The following NAV3 variants were observed in gnomAD, a reference collection of about 807,000 sequenced individuals.
The protein encoded by NAV3 is pore membrane and/or filament interacting like protein 1.
NAV3 carries 87 observed loss-of-function variants against 244.7 expected under a neutral mutation model. The ratio of observed to expected loss-of-function variants is 0.36; its 90% CI spans 0.30 to 0.42. The LOEUF (loss-of-function observed/expected upper bound fraction) is 0.42. NAV3 is among the 20% of genes least tolerant of loss of function. NAV3 has a pLI of 1.00. For missense variants in NAV3, 2,663 were observed against 2,893.3 expected (o/e 0.92, Z 1.83); for synonymous variants, 1,126 against 1,042.2 (o/e 1.08, Z -1.55).
intron 12 of NAV3, among the ~76,000 whole-genome samples, chr12:78,070,715 A>G (rs571311119): frequency 3.3e-5 from 3 of 91,286 alleles, no homozygotes; most frequent in East Asian, 7.8e-4. Flanking sequence ...CCCCCACCCC[A>G]CAACAGTCCC....
intron 3 of NAV3, among the ~76,000 whole-genome samples, chr12:77,945,948 C>T (rs1036548614): frequency 3.3e-5 from 5 of 151,090 alleles, no homozygotes; most frequent in East Asian, 1.9e-4. Flanking sequence ...TTAGTAGAGA[C>T]GGGTTTTGCC....
intron 24 of NAV3, among the ~76,000 whole-genome samples, chr12:78,173,502 CA>C (rs1477183165): frequency 6.6e-6 from 1 of 151,428 alleles, no homozygotes; most frequent in Non-Finnish European, 1.5e-5. Context: ...AGCTAATGGC[CA>C]ATCACAGCAA....
intron 26 of NAV3, among the ~76,000 whole-genome samples, chr12:78,176,837 T>C (rs1958248520): frequency 6.6e-6 from 1 of 152,114 alleles, no homozygotes; most frequent in Non-Finnish European, 1.5e-5. Context: ...AGAGAAGCAT[T>C]GGGAATGGAG....
At chr12:77,978,271 T>C (rs1868878762) in intron 5 of NAV3, among the ~76,000 whole-genome samples, 1 of 152,136 alleles carries the variant, frequency 6.6e-6, no homozygotes. Flanking sequence ...TGAAATATTT[T>C]TTAAGATGTG....
intron 1 of NAV3, among the ~76,000 whole-genome samples, chr12:77,897,730 G>C (rs1348852120): frequency 6.6e-6 from 1 of 150,634 alleles, no homozygotes; most frequent in Non-Finnish European, 1.5e-5. Context: ...GGGGATTGTT[G>C]GCAGATGTTT....
intron 1 of NAV3, among the ~76,000 whole-genome samples, chr12:77,926,427 C>A (rs936877485): frequency 6.6e-6 from 1 of 151,934 alleles, no homozygotes; most frequent in Non-Finnish European, 1.5e-5. Flanking sequence ...TTCTTCCTAG[C>A]AAGAGAGGCT....
At chr12:77,910,503 G>A (rs933228656) in intron 1 of NAV3, among the ~76,000 whole-genome samples, 3 of 151,950 alleles carry the variant, frequency 2.0e-5, no homozygotes, top group Non-Finnish European at 2.9e-5. Context: ...GATTTGGAGG[G>A]GACAAACACT....
intron 5 of NAV3, among the ~76,000 whole-genome samples, chr12:77,984,483 T>TTA (rs1870124368): frequency 6.6e-6 from 1 of 151,486 alleles, no homozygotes; most frequent in African/African-American, 2.4e-5. Context: ...GTATGCATTT[T>TTA]TTTTTTTTTT....
chr12:78,119,693 T>C lies in NAV3; in HGVS notation c.3497T>C (p.Val1166Ala), dbSNP rs1200062157. ...AGTACCAGCAGTATTGATTCCAACG[T>C]CAGCAGCAAGTCTGCTGGGGCCACC... ...RSSTSSIDSN[V>A]SSKSAGATTS... The change falls in exon 15 of 40, where the codon GTC (valine) becomes GCC (alanine). Residue 1166 changes from valine (V) to alanine (A), a missense_variant. Val to Ala is a moderately conservative substitution (Grantham distance 64). Transcript: ENST00000397909. 1.3e-5 allele frequency: 21 copies of C among 1,614,174 alleles called. No homozygotes were observed. The highest frequency in any genetic ancestry group is 1.7e-5 in the Non-Finnish European group (20 of 1,180,034).
chr12:77,765,210 T>TGCCA (rs1869679531), intron 2 of NAV3, among the ~76,000 whole-genome samples: 2 of 152,214 alleles, frequency 1.3e-5, no homozygotes, highest in Non-Finnish European at 2.9e-5. Context: ...GATTCTCTGA[T>TGCCA]CTCTTTGAGA....
At chr12:77,908,505 G>A (rs1310278729) in intron 1 of NAV3, among the ~76,000 whole-genome samples, 1 of 151,910 alleles carries the variant, frequency 6.6e-6, no homozygotes, top group Admixed American at 6.6e-5. Flanking sequence ...TTTAAGATAA[G>A]GTAAAGCAAT....
chr12:77,577,176 A>G (rs1045707408), intron 2 of NAV3, among the ~76,000 whole-genome samples: 1 of 152,292 alleles, frequency 6.6e-6, no homozygotes, highest in Middle Eastern at 3.4e-3. Context: ...ATGCAGATTA[A>G]GACTATCCCT....
chr12:77,987,900 G>A (rs369713347), intron 5 of NAV3, among the ~76,000 whole-genome samples: 24 of 152,260 alleles, frequency 1.6e-4, no homozygotes, highest in South Asian at 6.2e-4. Flanking sequence ...TGGTAACAGC[G>A]TAAAATTTTG....
chr12:78,028,885 G>GAGGTGATCCTTCAATCGAAAA lies in NAV3; in HGVS notation c.2023+7026_2023+7046dup, dbSNP rs1878513066. 2.0e-5 allele frequency among the ~76,000 whole-genome samples: 3 copies of GAGGTGATCCTTCAATCGAAAA among 152,258 alleles called. No individual in the cohort carries two copies. In the South Asian group the frequency reaches 6.2e-4, roughly 32 times the overall value. The stretch of plus-strand genomic sequence containing the variant: ...TGACTTGTTAATTTAGCCCAGTGAC[G>GAGGTGATCCTTCAATCGAAAA]AGGTGATCCTTCAATCGAAAAAGAA... On this transcript the variant is annotated intron_variant, in intron 9 of 39. Transcript: ENST00000397909.
At chr12:77,737,024 A>C (rs1877364685) in intron 2 of NAV3, among the ~76,000 whole-genome samples, 1 of 152,086 alleles carries the variant, frequency 6.6e-6, no homozygotes, top group Non-Finnish European at 1.5e-5. Flanking sequence ...CCTCCTTCTA[A>C]CTTGAAGAGG....
At chr12:77,825,287 A>G (rs183612753) in intron 2 of NAV3, among the ~76,000 whole-genome samples, 63 of 152,308 alleles carry the variant, frequency 4.1e-4, no homozygotes, top group African/African-American at 1.4e-3. Flanking sequence ...AAAGAAGAGC[A>G]CCAGAAATGG....
At chr12:77,685,741 T>C (rs1328464829) in intron 2 of NAV3, among the ~76,000 whole-genome samples, 1 of 152,174 alleles carries the variant, frequency 6.6e-6, no homozygotes, top group African/African-American at 2.4e-5. Context: ...GTTTTAGTAT[T>C]TATTAAACTA....
At position 78,177,620 on chromosome 12, in the gene NAV3, G is replaced by T. The variant is rs1419925600; in HGVS notation, c.5298G>T (p.Ala1766=). The part of the protein sequence containing the change: ...ASMKPSQSAS[A]SPLVWPPKKR... The stretch of plus-strand genomic sequence containing the variant: ...TCTGTCTAACTGTATGTACATACAG[G>T]TCACCCCTTGTCTGGCCACCAAAGA... The change falls in exon 28 of 40, where the codon GCG becomes GCT. Residue 1766 remains alanine (A), a splice_region_variant and synonymous_variant. Transcript: ENST00000397909. The T allele has an allele frequency of 6.3e-7, 1 of 1,596,612 alleles. No individual in the cohort carries two copies. Among genetic ancestry groups the T allele is most frequent in the East Asian group, 2.2e-5 (1 of 44,656 alleles).
chr12:77,848,507 C>T (rs1876991270), intron 1 of NAV3, among the ~76,000 whole-genome samples: 1 of 152,224 alleles, frequency 6.6e-6, no homozygotes, highest in Admixed American at 6.5e-5. Context: ...TGGGAAAAAT[C>T]TATGAGAAGT....
Sources: gnomAD v4.1 joint callset for allele counts (sites outside exome capture counted in the v4.1 genomes callset) on GRCh38, gnomAD v4.1.1 for gene constraint, MANE v1.5 for transcripts, NCBI Gene and HGNC (gene_info 2026-07-23, HGNC 2026-07-21) for gene names.